SPATA13: variants seen among roughly 807,000 people sequenced by gnomAD.
SPATA13 encodes spermatogenesis associated 13.
SPATA13 carries 50 observed loss-of-function variants against 104.0 expected under a neutral mutation model. The observed-to-expected ratio is 0.48, with a 90% CI of 0.38 to 0.61. SPATA13 has a LOEUF of 0.61. Ranked by LOEUF, SPATA13 falls within the 20% of genes least tolerant of loss-of-function variation. The pLI, the probability that SPATA13 is intolerant of heterozygous loss-of-function variation, is 0.00. For synonymous variants in SPATA13, 606 were observed against 667.5 expected (o/e 0.91, Z 1.42); for missense variants, 1,524 against 1,690.6 (o/e 0.90, Z 1.73).
chr13:23,990,741 C>T (rs530438396), intron 2 of SPATA13, among the ~76,000 whole-genome samples: 9 of 152,314 alleles, frequency 5.9e-5, no homozygotes, highest in East Asian at 1.9e-4. Flanking sequence ...CCTTGTTTCC[C>T]GTGATCACCC....
At chr13:24,262,693 A>C (rs1874114177) in intron 4 of SPATA13, among the ~76,000 whole-genome samples, 1 of 152,230 alleles carries the variant, frequency 6.6e-6, no homozygotes, top group Non-Finnish European at 1.5e-5. Context: ...ATGACCTGGC[A>C]CACAGTAAGT....
chr13:24,284,359 C>G, intron 5 of SPATA13, 88 bp downstream of exon 5: 1 of 1,392,172 alleles, frequency 7.2e-7, no homozygotes, highest in Non-Finnish European at 9.7e-7. Flanking sequence ...CCTAGTTCTT[C>G]TTTACTAAGC....
chr13:24,134,021 G>A (rs566037396), intron 3 of SPATA13, among the ~76,000 whole-genome samples: 3 of 152,302 alleles, frequency 2.0e-5, no homozygotes, highest in East Asian at 1.9e-4. Flanking sequence ...CAGAGGTTGT[G>A]CTAAGTGTGG....
chr13:24,211,521 T>C (rs1871014059), intron 1 of SPATA13, among the ~76,000 whole-genome samples: 1 of 152,238 alleles, frequency 6.6e-6, no homozygotes, highest in African/African-American at 2.4e-5. Flanking sequence ...CTATGATTTT[T>C]AGCCTTGATT....
At chr13:24,082,211 G>A (rs1272796290) in intron 3 of SPATA13, among the ~76,000 whole-genome samples, 1 of 152,214 alleles carries the variant, frequency 6.6e-6, no homozygotes, top group African/African-American at 2.4e-5. Flanking sequence ...TCTTCAACAG[G>A]GGAGGACGCT....
chr13:24,089,445 T>C (rs542448326), intron 3 of SPATA13, among the ~76,000 whole-genome samples: 1 of 152,220 alleles, frequency 6.6e-6, no homozygotes, highest in African/African-American at 2.4e-5. Context: ...TATTATTGTC[T>C]TTTAGTAGGC....
chr13:24,223,470 T>C lies in SPATA13; in HGVS notation c.541T>C (p.Leu181=), dbSNP rs1593434881. The change falls in exon 2 of 13, where the codon TTG becomes CTG. Residue 181 remains leucine (L), a synonymous_variant. Transcript: ENST00000382108. ...CCTCAGGCCAGCAGAGTGGGGCACA[T>C]TGGATGGCTCCGACCTCGAGGACAC... The part of the protein sequence containing the change: ...GALRPAEWGT[L]DGSDLEDTDD... 17 of 1,549,994 alleles carry C rather than the reference T, an allele frequency of 1.1e-5. No homozygotes were observed. Among genetic ancestry groups the C allele is most frequent in the Non-Finnish European group, 1.4e-5 (16 of 1,146,968 alleles).
intron 1 of SPATA13, among the ~76,000 whole-genome samples, chr13:24,200,626 G>C (rs1332399041): frequency 6.6e-6 from 1 of 151,170 alleles, no homozygotes; most frequent in South Asian, 2.1e-4. Flanking sequence ...TCTTTATGTA[G>C]CTGTTTAGTA....
At chr13:24,117,412 C>T (rs1186147817) in intron 3 of SPATA13, among the ~76,000 whole-genome samples, 1 of 152,176 alleles carries the variant, frequency 6.6e-6, no homozygotes, top group Non-Finnish European at 1.5e-5. Flanking sequence ...TGTATCAGGA[C>T]TATTATGCCA....
At chr13:24,030,065 C>T (rs371847585) in intron 3 of SPATA13, among the ~76,000 whole-genome samples, 15 of 111,254 alleles carry the variant, frequency 1.3e-4, no homozygotes, top group Middle Eastern at 4.6e-3. Context: ...CACACACACA[C>T]GCACACACAC....
chr13:24,036,687 A>T lies in SPATA13; in HGVS notation c.-112+18986A>T, dbSNP rs1345674145. Among the ~76,000 whole-genome samples the T allele has an allele frequency of 2.0e-5, 3 of 152,194 alleles. No homozygotes were observed. In the East Asian group the frequency reaches 5.8e-4, roughly 29 times the overall value. On this transcript the variant is annotated intron_variant, in intron 3 of 14. Coordinates refer to the SPATA13 transcript ENST00000424834. ...TCGCAATTCTGTGAGATCATAGACA[A>T]ATTGCATCTCTTCTGTGAAGGCTGC...
Position 24,306,182 on chromosome 13 carries a change from C to A in SPATA13, c.*3409C>A, listed in dbSNP as rs1877565824. On this transcript the variant is annotated 3_prime_UTR_variant, in exon 13 of 13. Transcript: ENST00000382108. ...CCATCCTACATGACTGTTATCTAGA[C>A]ATAAAGCAAAGTGCATTTAATTCAA... is the stretch of plus-strand genomic sequence containing the variant. 2 of 152,204 alleles carry A rather than the reference C, an allele frequency of 1.3e-5. No individual in the cohort carries two copies. 9.4% of individuals were successfully genotyped at this position (152,204 alleles called of 1,614,324 possible).
chr13:24,146,276 C>T (rs1252172587), intron 3 of SPATA13, among the ~76,000 whole-genome samples: 1 of 152,224 alleles, frequency 6.6e-6, no homozygotes, highest in South Asian at 2.1e-4. Flanking sequence ...AATCGGGGCA[C>T]TCCAGCTTCA....
chr13:24,080,400 G>T (rs954504250), intron 3 of SPATA13, among the ~76,000 whole-genome samples: 1 of 152,178 alleles, frequency 6.6e-6, no homozygotes, highest in African/African-American at 2.4e-5. Context: ...AAGCTTTGGC[G>T]GCTTGGGCCC....
chr13:24,031,116 G>C (rs1877464114), intron 3 of SPATA13, among the ~76,000 whole-genome samples: 1 of 152,218 alleles, frequency 6.6e-6, no homozygotes, highest in Middle Eastern at 3.4e-3. Flanking sequence ...AATTTATTTA[G>C]TTGTGGCTGA....
At chr13:24,237,835 T>C (rs1872639294) in intron 2 of SPATA13, among the ~76,000 whole-genome samples, 1 of 148,650 alleles carries the variant, frequency 6.7e-6, no homozygotes, top group Non-Finnish European at 1.5e-5. Flanking sequence ...GTAGACATTA[T>C]ATATGTATAT....
At chr13:24,301,611 G>A (rs911647942) in intron 12 of SPATA13, among the ~76,000 whole-genome samples, 16 of 152,206 alleles carry the variant, frequency 1.1e-4, no homozygotes, top group Non-Finnish European at 1.6e-4. Flanking sequence ...GGGACGCTGT[G>A]CCTGGGTTAT....
intron 3 of SPATA13, among the ~76,000 whole-genome samples, chr13:24,133,422 TG>T (rs1881451152): frequency 6.6e-6 from 1 of 152,196 alleles, no homozygotes; most frequent in African/African-American, 2.4e-5. Flanking sequence ...TCAGTGCCTT[TG>T]CCCATAGCTA....
intron 1 of SPATA13, among the ~76,000 whole-genome samples, chr13:24,210,572 G>C (rs1473555821): frequency 6.6e-6 from 1 of 152,024 alleles, no homozygotes; most frequent in Non-Finnish European, 1.5e-5. Flanking sequence ...TGTATGCATG[G>C]GTTTATTTCT....
Sources: allele counts gnomAD v4.1 joint callset (sites outside exome capture counted in the v4.1 genomes callset), GRCh38; gene constraint gnomAD v4.1.1; transcripts MANE v1.5; gene names NCBI Gene and HGNC (gene_info 2026-07-23, HGNC 2026-07-21).